R3HCC1L: variants seen among roughly 807,000 people sequenced by gnomAD.
R3HCC1L encodes R3H domain and coiled-coil containing 1 like.
R3HCC1L carries 51 observed loss-of-function variants against 59.9 expected under a neutral mutation model. The observed-to-expected ratio is 0.85, with a 90% CI of 0.68 to 1.07. The LOEUF (loss-of-function observed/expected upper bound fraction) is 1.07, where lower values mean the gene tolerates loss of function less well. Ranked by LOEUF, R3HCC1L falls within the 50% of genes least tolerant of loss-of-function variation. R3HCC1L has a pLI of 0.00. For synonymous variants in R3HCC1L, 322 were observed against 315.2 expected (o/e 1.02, Z -0.23); for missense variants, 965 against 933.0 (o/e 1.03, Z -0.45).
At chr10:98,210,538 CTG>C (rs1157842377) in intron 5 of R3HCC1L, among the ~76,000 whole-genome samples, 1 of 152,138 alleles carries the variant, frequency 6.6e-6, no homozygotes, top group African/African-American at 2.4e-5. Context: ...AATGTTTACT[CTG>C]TATCCAACAT....
At position 98,161,901 on chromosome 10, in the gene R3HCC1L, A is replaced by G. The variant is rs527846786; in HGVS notation, c.-212-982A>G. Among the ~76,000 whole-genome samples, 220 of 152,244 alleles carry G rather than the reference A, an allele frequency of 1.4e-3. 2 individuals are homozygous for G. In the South Asian group the frequency reaches 0.022, roughly 15 times the overall value. On this transcript the variant is annotated intron_variant, in intron 2 of 9. Coordinates refer to ENST00000298999, the MANE Select transcript of R3HCC1L (RefSeq NM_001351015.2). ...CTTTAGTATCAGCTTTTCTGTCTCAATGAAAAAGCTTGCAGGTGTTTTTAT... is the reference window on the plus strand; with the variant it reads ...CTTTAGTATCAGCTTTTCTGTCTCAGTGAAAAAGCTTGCAGGTGTTTTTAT...
intron 5 of R3HCC1L, among the ~76,000 whole-genome samples, chr10:98,216,513 A>G (rs1854223011): frequency 6.6e-6 from 1 of 152,312 alleles, no homozygotes; most frequent in South Asian, 2.1e-4. Context: ...ACCCTGTCTC[A>G]ACATACATGT....
Position 98,196,778 on chromosome 10 carries a change from A to T in R3HCC1L, c.-14-11323A>T, listed in dbSNP as rs144869728. On this transcript the variant is annotated intron_variant, in intron 4 of 9. Coordinates refer to ENST00000298999, the MANE Select transcript of R3HCC1L (RefSeq NM_001351015.2). The stretch of plus-strand genomic sequence containing the variant: ...CTGTACTTACATATTAGCTAGAATG[A>T]TCTTTAGCAAAAGTAAGTCAGATCA... 4.0e-3 allele frequency among the ~76,000 whole-genome samples: 608 copies of T among 152,280 alleles called. 2 individuals carry two copies. Among genetic ancestry groups the T allele is most frequent in the Non-Finnish European group, 6.0e-3 (410 of 68,018 alleles).
intron 9 of R3HCC1L, among the ~76,000 whole-genome samples, chr10:98,240,404 A>G (rs1256083015): frequency 2.0e-5 from 3 of 152,212 alleles, no homozygotes; most frequent in African/African-American, 7.2e-5. Flanking sequence ...CTAAAACTGG[A>G]CTTAGATATC....
chr10:98,169,412 T>A (rs566300784), intron 4 of R3HCC1L, among the ~76,000 whole-genome samples: 2 of 152,332 alleles, frequency 1.3e-5, no homozygotes, highest in South Asian at 4.1e-4. Context: ...CTCTTAGTAC[T>A]ATAGTTGGAA....
intron 1 of R3HCC1L, among the ~76,000 whole-genome samples, chr10:98,147,013 A>C (rs1386873988): frequency 2.0e-5 from 3 of 152,102 alleles, no homozygotes; most frequent in Non-Finnish European, 4.4e-5. Context: ...CTATTAATTT[A>C]CATTCCCTCC....
At chr10:98,138,552 CTTT>C (rs1031214477) in intron 1 of R3HCC1L, among the ~76,000 whole-genome samples, 2 of 151,930 alleles carry the variant, frequency 1.3e-5, no homozygotes, top group African/African-American at 4.8e-5. Context: ...CAATTAAACA[CTTT>C]TGTTCCTTGA....
rs182012480 is a variant in R3HCC1L at position 98,236,151 on chromosome 10, G to T, written c.2256G>T (p.Leu752=). ...KTEREAELKK[L]QEARERKRLE... ...AACGAGAAGCAGAGCTCAAGAAACT[G>T]CAAGAAGCCAGAGGTGAGCTGAAAG... The change falls in exon 9 of 10, where the codon CTG becomes CTT. Residue 752 remains leucine, a synonymous_variant. Coordinates refer to ENST00000298999, the MANE Select transcript of R3HCC1L (RefSeq NM_001351015.2). 6 of 1,613,708 alleles carry T rather than the reference G, an allele frequency of 3.7e-6. No homozygotes were observed. The African/African-American group carries it at 8.0e-5, about 22-fold the overall frequency.
chr10:98,151,127 C>T (rs1180381393), intron 1 of R3HCC1L, among the ~76,000 whole-genome samples: 1 of 152,156 alleles, frequency 6.6e-6, no homozygotes, highest in African/African-American at 2.4e-5. Context: ...TGGGATATTG[C>T]TTGTGATAAT....
chr10:98,200,527 A>G (rs780488512), intron 4 of R3HCC1L, among the ~76,000 whole-genome samples: 4 of 152,144 alleles, frequency 2.6e-5, no homozygotes, highest in Admixed American at 6.5e-5. Flanking sequence ...CAGTGTGCCT[A>G]TAAGTCTGTT....
At chr10:98,151,909 T>TCTCTCTCTCCCTCTCCCTCTCCC (rs1846196388) in intron 1 of R3HCC1L, among the ~76,000 whole-genome samples, 1 of 151,894 alleles carries the variant, frequency 6.6e-6, no homozygotes, top group Non-Finnish European at 1.5e-5. Context: ...CAGCTCGCTC[T>TCTCTCTCTCCCTCTCCCTCTCCC]CTCTCTCTCC....
At chr10:98,188,013 G>C (rs1850416796) in intron 4 of R3HCC1L, among the ~76,000 whole-genome samples, 1 of 151,992 alleles carries the variant, frequency 6.6e-6, no homozygotes, top group African/African-American at 2.4e-5. Context: ...AGAAGTCCTG[G>C]GGTTATAGGC....
At chr10:98,145,831 C>A (rs10883047) in intron 1 of R3HCC1L, among the ~76,000 whole-genome samples, 97,941 of 151,680 alleles carry the variant, frequency 0.65, 31,621 homozygotes, top group South Asian at 0.67. Flanking sequence ...TGCCTGTGAT[C>A]CCAGCTACTC....
intron 5 of R3HCC1L, among the ~76,000 whole-genome samples, chr10:98,220,669 T>A (rs1425396389): frequency 6.7e-6 from 1 of 150,168 alleles, no homozygotes; most frequent in East Asian, 2.0e-4. Context: ...GAGAATGATG[T>A]TTTCCAATTT....
intron 1 of R3HCC1L, among the ~76,000 whole-genome samples, chr10:98,140,143 T>C (rs1845001015): frequency 6.6e-6 from 1 of 152,048 alleles, no homozygotes; most frequent in Non-Finnish European, 1.5e-5. Flanking sequence ...TGGCTTGCAG[T>C]TGTGCTGTTT....
intron 1 of R3HCC1L, among the ~76,000 whole-genome samples, chr10:98,139,090 T>C (rs1456152880): frequency 6.6e-6 from 1 of 152,208 alleles, no homozygotes; most frequent in Non-Finnish European, 1.5e-5. Context: ...CCATGGAACC[T>C]AGAAACACAC....
chr10:98,175,523 A>G (rs919167667), intron 4 of R3HCC1L, among the ~76,000 whole-genome samples: 4 of 152,148 alleles, frequency 2.6e-5, no homozygotes, highest in Non-Finnish European at 5.9e-5. Context: ...TTCTGTCTCT[A>G]CAGTTTTGTA....
chr10:98,181,089 G>A (rs941387498), intron 4 of R3HCC1L, among the ~76,000 whole-genome samples: 7 of 152,200 alleles, frequency 4.6e-5, no homozygotes, highest in East Asian at 1.9e-4. Context: ...TGATCCTGTC[G>A]TTATGATGTT....
At position 98,244,280 on chromosome 10, in the gene R3HCC1L, C is replaced by T. The variant is rs932919792; in HGVS notation, c.*122C>T. 14 of 927,238 alleles carry T rather than the reference C, an allele frequency of 1.5e-5. No individual in the cohort carries two copies. The highest frequency in any genetic ancestry group is 5.0e-5 in the African/African-American group (3 of 60,580). 57.4% of individuals were successfully genotyped at this position (927,238 alleles called of 1,614,324 possible). The stretch of plus-strand genomic sequence containing the variant: ...GTGCATGTTAAAGAGATAAAGTGAT[C>T]GAGACAAGGACTGACTGGGTATAGA... On this transcript the variant is annotated 3_prime_UTR_variant, in exon 10 of 10. Coordinates refer to ENST00000298999, the MANE Select transcript of R3HCC1L (RefSeq NM_001351015.2).
Sources: allele counts gnomAD v4.1 joint callset (sites outside exome capture counted in the v4.1 genomes callset), GRCh38; gene constraint gnomAD v4.1.1; transcripts MANE v1.5; gene names NCBI Gene and HGNC (gene_info 2026-07-23, HGNC 2026-07-21).